NEB: variants seen among roughly 807,000 people sequenced by gnomAD.
NEB encodes the protein nemaline myopathy type 2.
A neutral mutation model predicts 952.2 loss-of-function variants in NEB; 512 were observed. The observed-to-expected ratio is 0.54, with a 90% CI of 0.50 to 0.58. The LOEUF is 0.58. Ranked by LOEUF, NEB falls within the 20% of genes least tolerant of loss-of-function variation. The pLI is 0.00. For missense variants in NEB, 8,428 were observed against 9,231.1 expected, an observed-to-expected ratio of 0.91 and a Z score of 3.56; for synonymous variants, 2,900 against 3,149.8, an observed-to-expected ratio of 0.92 and a Z score of 2.66.
chr2:151,545,063 G>C (rs140838871), intron 135 of NEB, among the ~76,000 whole-genome samples: 2 of 152,302 alleles, frequency 1.3e-5, no homozygotes, highest in African/African-American at 4.8e-5. Context: ...CTAGGTGAGA[G>C]AATCAGATCT....
In NEB at chr2:151,692,330, C is replaced by CT; in HGVS notation, c.1928dup (p.Ala644GlyfsTer8). The CT allele has an allele frequency of 6.2e-7, 1 of 1,612,648 alleles. No individual in the cohort carries two copies. Among genetic ancestry groups the CT allele is most frequent in the Admixed American group, 1.7e-5 (1 of 59,980 alleles). On this transcript the variant is annotated frameshift_variant, in exon 21 of 182. Coordinates refer to ENST00000397345, the MANE Select transcript of NEB (RefSeq NM_001164508.2). LOFTEE classifies it high-confidence loss of function. ...TCTCACAGTAATTCATACTCTTTGC[C>CT]TTTGTCTTCTCATAGTTTTCCTTGT...
intron 121 of NEB, among the ~76,000 whole-genome samples, chr2:151,561,608 T>TA (rs2096065512): frequency 6.6e-6 from 1 of 151,490 alleles, no homozygotes; most frequent in Non-Finnish European, 1.5e-5. Flanking sequence ...CTTTTTTTTT[T>TA]TTATTATTAT....
chr2:151,698,277 A>C (rs1046449260), intron 13 of NEB, among the ~76,000 whole-genome samples: 2 of 152,202 alleles, frequency 1.3e-5, no homozygotes, highest in African/African-American at 4.8e-5. Flanking sequence ...ACCAATTTAA[A>C]GTATACAATT....
At chr2:151,627,239 GA>G in intron 69 of NEB, 34 bp from the exon 70 acceptor site, 1 of 1,588,734 alleles carries the variant, frequency 6.3e-7, no homozygotes, top group Non-Finnish European at 8.6e-7. Flanking sequence ...GAGTATTACT[GA>G]AGTTGTTTTA....
At chr2:151,697,744 A>C (rs2099606442) in intron 13 of NEB, 96 bp from the exon 14 acceptor site, 1 of 823,744 alleles carries the variant, frequency 1.2e-6, no homozygotes, top group Non-Finnish European at 1.9e-6. Flanking sequence ...AAGATGAAGA[A>C]AAGATATCGC....
Position 151,583,562 on chromosome 2 carries a change from C to A in NEB, c.15868G>T (p.Val5290Phe). 2.6e-6 allele frequency: 1 copy of A among 390,156 alleles called. No homozygotes were observed. Among genetic ancestry groups the A allele is most frequent in the Non-Finnish European group, 4.4e-6 (1 of 229,630 alleles). The allele number at this position is 390,156 out of a possible 1,614,324, so 24.2% of individuals were successfully genotyped here. The part of the protein sequence containing the change: ...MSIVQAKKCQ[V>F]LVSDIDYRNY... ...CGATAATCAATGTCGCTAACCAGGACCTGGCATTTCTTGGCTTGAACAATT... is the reference window on the plus strand; with the variant it reads ...CGATAATCAATGTCGCTAACCAGGAACTGGCATTTCTTGGCTTGAACAATT... The change falls in exon 101 of 182, where the codon GTC (valine) becomes TTC (phenylalanine). Residue 5290 changes from valine to phenylalanine, a missense_variant. Around this residue, in one of 11 missense-constraint regions of NEB, gnomAD observed 40 missense variants for 61.2 expected, o/e 0.65. Coordinates refer to ENST00000397345, the MANE Select transcript of NEB (RefSeq NM_001164508.2).
At chr2:151,498,393 A>C in intron 169 of NEB, 41 bp from the exon 170 acceptor site, 1 of 1,422,888 alleles carries the variant, frequency 7.0e-7, no homozygotes, top group African/African-American at 1.4e-5. Flanking sequence ...AAAGCAATCA[A>C]TCAGTCATTT....
intron 131 of NEB, 151 bp downstream of exon 131, chr2:151,548,157 A>G (rs1257705727): frequency 1.5e-6 from 1 of 678,150 alleles, no homozygotes; most frequent in African/African-American, 1.8e-5. Context: ...ACCAAGAAAT[A>G]TCAGTATCAA....
chr2:151,609,552 G>A (rs895403852), intron 81 of NEB, among the ~76,000 whole-genome samples: 14 of 152,178 alleles, frequency 9.2e-5, no homozygotes, highest in Non-Finnish European at 1.8e-4. Flanking sequence ...ATGCTGTTTA[G>A]TGTTTTGGAT....
At chr2:151,691,378 C>T (rs1013320795) in intron 23 of NEB, among the ~76,000 whole-genome samples, 2 of 152,168 alleles carry the variant, frequency 1.3e-5, no homozygotes, top group African/African-American at 4.8e-5. Flanking sequence ...ACACATTGTC[C>T]TATTTTAATT....
intron 64 of NEB, among the ~76,000 whole-genome samples, chr2:151,635,179 C>T (rs548107210): frequency 6.6e-6 from 1 of 152,272 alleles, no homozygotes; most frequent in African/African-American, 2.4e-5. Context: ...ATATAAAGCT[C>T]TTAGCAAAGA....
intron 13 of NEB, among the ~76,000 whole-genome samples, chr2:151,705,047 C>A (rs1262568917): frequency 2.0e-5 from 3 of 152,140 alleles, no homozygotes; most frequent in Non-Finnish European, 4.4e-5. Context: ...TAAGCAATTG[C>A]AAGTTGTTTA....
chr2:151,620,888 T>C (rs1185803225), intron 72 of NEB, 31 bp downstream of exon 72: 2 of 1,525,596 alleles, frequency 1.3e-6, no homozygotes. Flanking sequence ...GGCATGATGG[T>C]AAGAAATGTT....
chr2:151,518,385 T>G lies in NEB; in HGVS notation c.22733A>C (p.His7578Pro), dbSNP rs1314610884. 5.0e-6 allele frequency: 8 copies of G among 1,612,072 alleles called. No homozygotes were observed. The highest frequency in any genetic ancestry group is 6.8e-6 in the Non-Finnish European group (8 of 1,178,304). ...YKKKYEKSKGHYHTIPDNLEQ... is the reference protein window; with the variant it reads ...YKKKYEKSKGPYHTIPDNLEQ... ...CAGATTATCGGGTATGGTGTGGTAG[T>G]GGCCTTTACTCTTCTCATACTTCTT... The change falls in exon 156 of 182, where the codon CAC becomes CCC. Residue 7578 changes from histidine to proline, a missense_variant. This residue lies in a region of NEB where 3,374 missense variants were observed against 3,651.5 expected (regional missense o/e 0.92). Transcript: ENST00000397345.
Position 151,496,998 on chromosome 2 carries a change from A to C in NEB, c.24336T>G (p.Pro8112=). The C allele has an allele frequency of 6.3e-7, 1 of 1,578,320 alleles. No homozygotes were observed. The highest frequency in any genetic ancestry group is 1.2e-5 in the South Asian group (1 of 86,388). Residue 8112 remains proline, a synonymous_variant, in exon 172 of 182, where the codon CCT becomes CCG. Coordinates refer to ENST00000397345, the MANE Select transcript of NEB (RefSeq NM_001164508.2). ...LYKENMGKGT[P]LPVTPEMERV... is the part of the protein sequence containing the mutation. ...TCTCCATCTCAGGAGTGACAGGTAG[A>C]GGGGTTCCCTTGCCCATGTTTTCTT...
chr2:151,639,822 G>A (rs1162400405), intron 62 of NEB, 35 bp downstream of exon 62: 1 of 1,541,354 alleles, frequency 6.5e-7, no homozygotes, highest in Non-Finnish European at 8.9e-7. Flanking sequence ...TCAGCTTTAG[G>A]AGCCCCACTT....
intron 136 of NEB, 27 bp from the exon 137 acceptor site, chr2:151,540,828 CAT>C: frequency 6.5e-7 from 1 of 1,550,072 alleles, no homozygotes; most frequent in Admixed American, 1.7e-5. Context: ...AGTGAGGTGT[CAT>C]AGAGATAAAG....
At position 151,629,507 on chromosome 2, in the gene NEB, T is replaced by C. The variant is rs776008580; in HGVS notation, c.9831+32A>G. The C allele has an allele frequency of 3.3e-6, 5 of 1,526,692 alleles. No individual in the cohort carries two copies. The Admixed American group carries it at 8.4e-5, about 26-fold the overall frequency. The allele number at this position is 1,526,692 out of a possible 1,614,324, so 94.6% of individuals were successfully genotyped here. On this transcript the variant is annotated intron_variant, in intron 68 of 181. Transcript: ENST00000397345. ...TAATCCTGCCTCCCCACTTCATCCA[T>C]CCATGTAAATATCTAGGGTGTTGCT... is the stretch of plus-strand genomic sequence containing the variant.
rs1422204241 is a variant in NEB, at chr2:151,692,141, T to G, written c.2024A>C (p.Lys675Thr). The change falls in exon 22 of 182, where the codon AAG becomes ACG. Residue 675 changes from lysine (K) to threonine (T), a missense_variant. Physicochemically the swap from Lys to Thr is moderately conservative, Grantham distance 78. Coordinates refer to ENST00000397345, the MANE Select transcript of NEB (RefSeq NM_001164508.2). ...GCCTACATAATGTCCCAAAACATCC[T>G]TTACATATAAGTCTTTATATCTAGC... ...SEARYKDLYV[K>T]DVLGHYVGSM... The G allele has an allele frequency of 1.9e-6, 3 of 1,613,716 alleles. No homozygotes were observed. The East Asian group carries it at 6.7e-5, about 36-fold the overall frequency.
Sources: allele counts gnomAD v4.1 joint callset (sites outside exome capture counted in the v4.1 genomes callset), GRCh38; gene constraint gnomAD v4.1.1; regional missense constraint gnomAD v4.1.1; transcripts MANE v1.5; gene names NCBI Gene and HGNC (gene_info 2026-07-23, HGNC 2026-07-21).